The following DDX60L variants were observed in gnomAD, a reference collection of about 807,000 sequenced individuals.
DDX60L encodes the protein probable ATP-dependent RNA helicase DDX60-like.
A neutral mutation model predicts 211.6 loss-of-function variants in DDX60L; 191 were observed. The ratio of observed to expected loss-of-function variants is 0.90; its 90% CI spans 0.80 to 1.02. The LOEUF (loss-of-function observed/expected upper bound fraction) is 1.02, where lower values mean the gene tolerates loss of function less well. DDX60L is among the 50% of genes least tolerant of loss of function. The probability of loss-of-function intolerance (pLI) is 0.00; values close to 1 mark genes in which losing one functional copy is unlikely to be tolerated. For missense variants in DDX60L, 2,007 were observed against 1,984.1 expected, an observed-to-expected ratio of 1.01 and a Z score of -0.22; for synonymous variants, 706 against 694.1, an observed-to-expected ratio of 1.02 and a Z score of -0.27.
At chr4:168,430,698 C>G in intron 12 of DDX60L, 60 bp from the exon 13 acceptor site, 7 of 1,239,074 alleles carry the variant, frequency 5.6e-6, no homozygotes, top group African/African-American at 3.1e-5. Context: ...TATATGTGTG[C>G]TACCCACACA....
chr4:168,360,589 G>A (rs896948511), intron 37 of DDX60L, among the ~76,000 whole-genome samples: 1 of 152,236 alleles, frequency 6.6e-6, no homozygotes, highest in Non-Finnish European at 1.5e-5. Context: ...TAAGGAAAAT[G>A]GAGCTAGACA....
At chr4:168,365,626 G>T (rs2634937) in intron 36 of DDX60L, among the ~76,000 whole-genome samples, 6 of 151,614 alleles carry the variant, frequency 4.0e-5, no homozygotes, top group Admixed American at 2.6e-4. Flanking sequence ...TCCTCTTCAA[G>T]CTATTAAGGG....
chr4:168,373,886 AAG>A, intron 34 of DDX60L, 78 bp from the exon 35 acceptor site: 2 of 1,415,550 alleles, frequency 1.4e-6, no homozygotes, highest in Non-Finnish European at 1.9e-6. Flanking sequence ...ACTGTAGGTC[AAG>A]CCACAGTAGG....
At position 168,379,861 on chromosome 4, in the gene DDX60L, G is replaced by C. The variant is rs200646498; in HGVS notation, c.4117-31C>G. 11 of 1,474,660 alleles carry C rather than the reference G, an allele frequency of 7.5e-6. No homozygotes were observed. In the South Asian group the frequency reaches 1.2e-4, roughly 16 times the overall value. The allele number at this position is 1,474,660 out of a possible 1,614,324, so 91.3% of individuals were successfully genotyped here. On this transcript the variant is annotated intron_variant, in intron 30 of 37. Transcript: ENST00000682922. Reference sequence around the variant, plus strand: ...AAAGAAGAGTACTTTAATTTATCTAGTTTTAAACAGTATTTGTAAATACTG... The same window carrying C: ...AAAGAAGAGTACTTTAATTTATCTACTTTTAAACAGTATTTGTAAATACTG...
intron 8 of DDX60L, among the ~76,000 whole-genome samples, chr4:168,451,516 C>G (rs568572952): frequency 1.1e-4 from 17 of 152,176 alleles, no homozygotes; most frequent in African/African-American, 4.1e-4. Flanking sequence ...CTAAAGAACT[C>G]TTGTATCTTT....
rs182208459 is a variant in DDX60L, at chr4:168,369,075, T to C, written c.4928+2537A>G. On this transcript the variant is annotated intron_variant, in intron 36 of 37. Transcript: ENST00000682922. Reference sequence around the variant, plus strand: ...GGGACTGCTGGGAAGGCATGATTGGTTTTGAAATGTGAGGACATGAGATTT... The same window carrying C: ...GGGACTGCTGGGAAGGCATGATTGGCTTTGAAATGTGAGGACATGAGATTT... 8.0e-3 allele frequency among the ~76,000 whole-genome samples: 1,218 copies of C among 152,156 alleles called. 10 individuals are homozygous for C. Among genetic ancestry groups the C allele is most frequent in the Non-Finnish European group, 0.01 (693 of 67,996 alleles).
At chr4:168,390,513 T>C in intron 29 of DDX60L, 1 of 1,428,244 alleles carries the variant, frequency 7.0e-7, no homozygotes, top group Non-Finnish European at 9.2e-7. Flanking sequence ...TATTCCAGTC[T>C]AGGAGAGTTC....
intron 16 of DDX60L, 39 bp downstream of exon 16, chr4:168,422,485 T>A: frequency 1.3e-6 from 2 of 1,572,650 alleles, no homozygotes; most frequent in Non-Finnish European, 1.7e-6. Flanking sequence ...AGTTCTGAAG[T>A]CACACTGATT....
At position 168,437,005 on chromosome 4, in the gene DDX60L, T is replaced by A. The variant is rs73863334; in HGVS notation, c.1295-3890A>T. On this transcript the variant is annotated intron_variant, in intron 10 of 37. Coordinates refer to ENST00000682922, the MANE Select transcript of DDX60L (RefSeq NM_001012967.3). The stretch of plus-strand genomic sequence containing the variant: ...AAAAGTATGTCCAGAATACAGGAGA[T>A]CCCTTAAGGGTTCCGTAGTACATCC... Among the ~76,000 whole-genome samples, 992 of 152,248 alleles carry A rather than the reference T, an allele frequency of 6.5e-3. 12 individuals are homozygous for A. The highest frequency in any genetic ancestry group is 0.02 in the African/African-American group (821 of 41,554).
At chr4:168,360,677 T>A (rs1390976836) in intron 37 of DDX60L, among the ~76,000 whole-genome samples, 3 of 152,184 alleles carry the variant, frequency 2.0e-5, no homozygotes, top group African/African-American at 4.8e-5. Context: ...CTGTTGAGCA[T>A]TGGGCAGATG....
At chr4:168,387,244 AG>A (rs1400807857) in intron 29 of DDX60L, among the ~76,000 whole-genome samples, 1 of 152,204 alleles carries the variant, frequency 6.6e-6, no homozygotes, top group African/African-American at 2.4e-5. Flanking sequence ...CCTACGATCA[AG>A]CCAAACCAGC....
intron 35 of DDX60L, 36 bp downstream of exon 35, chr4:168,373,630 A>T: frequency 6.3e-7 from 1 of 1,599,244 alleles, no homozygotes; most frequent in Non-Finnish European, 8.5e-7. Flanking sequence ...CTGTCTGTTA[A>T]ACACATTTTG....
intron 29 of DDX60L, chr4:168,390,056 AG>A: frequency 3.6e-6 from 3 of 835,120 alleles, no homozygotes; most frequent in Non-Finnish European, 4.3e-6. Context: ...GGCAATTCCC[AG>A]AAAGGTCTGC....
intron 5 of DDX60L, 41 bp from the exon 6 acceptor site, chr4:168,458,049 G>A (rs1384420660): frequency 8.3e-7 from 1 of 1,201,936 alleles, no homozygotes; most frequent in Admixed American, 2.5e-5. Flanking sequence ...CTTAAATAAA[G>A]TATTTCCCAG....
chr4:168,456,072 A>G lies in DDX60L; in HGVS notation c.804T>C (p.Cys268=), dbSNP rs777752816. ...GATGGTACATTCTCAAGGATAGTGA[A>G]CATGAAGTGACACAGAGAACACGCT... ...DIQRVLCVTS[C]SLSLRMYHRV... is the part of the protein sequence containing the mutation. Residue 268 remains cysteine (C), a synonymous_variant, in exon 7 of 38, where the codon TGT becomes TGC. Transcript: ENST00000682922. 1.3e-6 allele frequency: 2 copies of G among 1,597,192 alleles called. No individual in the cohort carries two copies. The highest frequency in any genetic ancestry group is 1.7e-6 in the Non-Finnish European group (2 of 1,173,660).
intron 36 of DDX60L, chr4:168,361,432 G>A: frequency 2.4e-6 from 1 of 416,764 alleles, no homozygotes; most frequent in South Asian, 3.9e-5. Context: ...CAAAGGGGGA[G>A]GGTGAAATAT....
rs1757370510 is a variant in DDX60L at position 168,461,917 on chromosome 4, C to A, written c.388G>T (p.Asp130Tyr). The A allele has an allele frequency of 6.2e-7, 1 of 1,612,252 alleles. No individual in the cohort carries two copies. Among genetic ancestry groups the A allele is most frequent in the Non-Finnish European group, 8.5e-7 (1 of 1,179,078 alleles). The change falls in exon 5 of 38, where the codon GAT becomes TAT. Residue 130 changes from aspartate to tyrosine, a missense_variant. Coordinates refer to ENST00000682922, the MANE Select transcript of DDX60L (RefSeq NM_001012967.3). The part of the protein sequence containing the change: ...QTEFSGCLSQ[D>Y]WKLFLEQHYP... ...TGCTGTTCCAAGAATAACTTCCAAT[C>A]TTGTGATAAGCATCCAGAAAACTCC...
chr4:168,434,692 T>C (rs1561066776), intron 10 of DDX60L, among the ~76,000 whole-genome samples: 1 of 152,192 alleles, frequency 6.6e-6, no homozygotes, highest in Non-Finnish European at 1.5e-5. Context: ...ACCTACAGCA[T>C]TGGCTAGCTG....
At chr4:168,470,553 G>T (rs1579874537) in intron 4 of DDX60L, 1 of 152,446 alleles carries the variant, frequency 6.6e-6, no homozygotes, top group African/African-American at 2.4e-5. Flanking sequence ...TTTATACAAA[G>T]AGTTCATACT....
Sources: gnomAD v4.1 joint callset for allele counts (sites outside exome capture counted in the v4.1 genomes callset) on GRCh38, gnomAD v4.1.1 for gene constraint, MANE v1.5 for transcripts, NCBI Gene and HGNC (gene_info 2026-07-23, HGNC 2026-07-21) for gene names.